PTPRN: variants seen among roughly 807,000 people sequenced by gnomAD.
The protein encoded by PTPRN is protein tyrosine phosphatase receptor type N, also known as receptor-type tyrosine-protein phosphatase-like N.
In PTPRN, 70 loss-of-function variants were observed where a neutral mutation model predicts 108.5. The observed-to-expected ratio is 0.65, with a 90% CI of 0.53 to 0.79. The LOEUF (loss-of-function observed/expected upper bound fraction) is 0.79, where lower values mean the gene tolerates loss of function less well. Among genes scored for constraint, PTPRN ranks in the 30% least tolerant of loss-of-function variants. The pLI is 0.00. For missense variants in PTPRN, 1,136 were observed against 1,295.5 expected, an observed-to-expected ratio of 0.88 and a Z score of 1.89; for synonymous variants, 496 against 524.6, an observed-to-expected ratio of 0.95 and a Z score of 0.75.
intron 1 of PTPRN, 37 bp downstream of exon 1, chr2:219,309,181 G>GCCCCCCCCCCCC: frequency 3.2e-6 from 2 of 628,488 alleles, no homozygotes; most frequent in Non-Finnish European, 4.8e-6. Context: ...GCTGCTCCCC[G>GCCCCCCCCCCCC]CCCCCCACCA....
chr2:219,304,506 C>T (rs1952435004), intron 3 of PTPRN, among the ~76,000 whole-genome samples: 1 of 152,214 alleles, frequency 6.6e-6, no homozygotes, highest in Non-Finnish European at 1.5e-5. Flanking sequence ...AAACTCTGCT[C>T]TCAGGAAAGT....
Position 219,296,677 on chromosome 2 carries a change from A to G in PTPRN, c.2310+72T>C. 6.3e-7 allele frequency: 1 copy of G among 1,587,992 alleles called. No individual in the cohort carries two copies. Among genetic ancestry groups the G allele is most frequent in the Non-Finnish European group, 8.6e-7 (1 of 1,162,268 alleles). On this transcript the variant is annotated intron_variant, in intron 16 of 22. Coordinates refer to ENST00000295718, the MANE Select transcript of PTPRN (RefSeq NM_002846.4). The surrounding 1 kb of genome is among the most constrained non-coding windows in gnomAD (Gnocchi z 6.0). ...GGGGTTGGTGGGGTGGCAGGTGACC[A>G]CGGGGAAATGGAGTGCATAGGGCCA...
Position 219,290,413 on chromosome 2 carries a change from G to A in PTPRN, c.2869-116C>T, listed in dbSNP as rs899370563. The A allele has an allele frequency of 1.4e-6, 2 of 1,388,074 alleles. No individual in the cohort carries two copies. Among genetic ancestry groups the A allele is most frequent in the Non-Finnish European group, 2.0e-6 (2 of 998,734 alleles). The allele number at this position is 1,388,074 out of a possible 1,614,324, so 86.0% of individuals were successfully genotyped here. A position where few individuals can be genotyped will look rare whatever the true frequency, so the allele number is the denominator to read the frequency against. On this transcript the variant is annotated intron_variant, in intron 22 of 22. Coordinates refer to ENST00000295718, the MANE Select transcript of PTPRN (RefSeq NM_002846.4). The surrounding 1 kb of genome is among the most constrained non-coding windows in gnomAD (Gnocchi z 4.2). ...GGGCAGGTCCCCTGGGAGGAAGGGAGCCCTCCTGGAGGAGGCGCAGAAGCA... is the reference window on the plus strand; with the variant it reads ...GGGCAGGTCCCCTGGGAGGAAGGGAACCCTCCTGGAGGAGGCGCAGAAGCA...
At chr2:219,300,422 C>T (rs972104390) in intron 8 of PTPRN, 163 bp from the exon 9 acceptor site, 2 of 628,012 alleles carry the variant, frequency 3.2e-6, no homozygotes, top group Admixed American at 3.5e-5. Flanking sequence ...GCATCTGAGA[C>T]AAGTAAGTGG....
In PTPRN at chr2:219,303,682, C is replaced by T. The variant is rs548408027; in HGVS notation, c.377+53G>A. Reference sequence around the variant, plus strand: ...CCCTTCTCTCCATCAATTAGGACAACCACAGATTCATCAGCCTCACCATTG... The same window carrying T: ...CCCTTCTCTCCATCAATTAGGACAATCACAGATTCATCAGCCTCACCATTG... On this transcript the variant is annotated intron_variant, in intron 4 of 22. Transcript: ENST00000295718. 7 of 1,529,592 alleles carry T rather than the reference C, an allele frequency of 4.6e-6. No homozygotes were observed. In the African/African-American group the frequency reaches 6.8e-5, roughly 15 times the overall value. 94.8% of individuals were successfully genotyped at this position (1,529,592 alleles called of 1,614,324 possible).
Position 219,297,332 on chromosome 2 carries a change from G to C in PTPRN, c.1989C>G (p.Asp663Glu). 6.2e-7 allele frequency: 1 copy of C among 1,613,982 alleles called. No homozygotes were observed. Among genetic ancestry groups the C allele is most frequent in the African/African-American group, 1.3e-5 (1 of 75,046 alleles). ...GGGAGCTGGGGCTGGCCTGGGCTGC[G>C]TCGCTGAACTGGGAGGACACACTGC... ...RVSSVSSQFS[D>E]AAQASPSSHS... The change falls in exon 14 of 23, where the codon GAC becomes GAG. Residue 663 changes from aspartate (D) to glutamate (E), a missense_variant. Asp to Glu is a conservative substitution (Grantham distance 45). Transcript: ENST00000295718. This position sits in a 1 kb window ranked among gnomAD's most constrained non-coding sequence, Gnocchi z 6.0.
chr2:219,302,942 G>GC (rs1952394777), intron 4 of PTPRN, 105 bp from the exon 5 acceptor site: 2 of 1,374,602 alleles, frequency 1.5e-6, no homozygotes, highest in East Asian at 2.5e-5. Flanking sequence ...TTAAGAGCAG[G>GC]CCTGACCTCT....
chr2:219,295,999 C>T lies in PTPRN; in HGVS notation c.2508+227G>A, dbSNP rs571964036. On this transcript the variant is annotated intron_variant, in intron 18 of 22. Transcript: ENST00000295718. ...GGACACACACACACACACACACACA[C>T]ACACATGTATGTTCTGTAAACAGGA... 5.1e-5 allele frequency: 30 copies of T among 588,806 alleles called. 1 individual carries two copies. The South Asian group carries it at 6.3e-4, about 12-fold the overall frequency. The allele number at this position is 588,806 out of a possible 1,614,324, so 36.5% of individuals were successfully genotyped here.
intron 3 of PTPRN, among the ~76,000 whole-genome samples, chr2:219,304,415 G>GTCGTCATCATCATCATCA (rs1553583583): frequency 6.6e-6 from 1 of 152,004 alleles, no homozygotes; most frequent in African/African-American, 2.4e-5. Context: ...CATCTTCATT[G>GTCGTCATCATCATCATCA]TCGTCATCAT....
chr2:219,294,966 C>T lies in PTPRN; in HGVS notation c.2675+9G>A. ...TGCGGTCCCTCCAGGCGGGGGCGCCCGCGCTCACCTGCGGAAGTCCAGCAG... is the reference window on the plus strand; with the variant it reads ...TGCGGTCCCTCCAGGCGGGGGCGCCTGCGCTCACCTGCGGAAGTCCAGCAG... On this transcript the variant is annotated intron_variant, in intron 19 of 22. Coordinates refer to ENST00000295718, the MANE Select transcript of PTPRN (RefSeq NM_002846.4). 1.3e-6 allele frequency: 2 copies of T among 1,551,456 alleles called. No individual in the cohort carries two copies. Among genetic ancestry groups the T allele is most frequent in the Non-Finnish European group, 8.7e-7 (1 of 1,150,948 alleles).
In PTPRN at chr2:219,290,171, T is replaced by C. The variant is rs537785266; in HGVS notation, c.*55A>G. ...GTGAGGAGTGGGTACACAGAGATGC[T>C]CACACAGGCAAAGAGGGACAGAGGC... On this transcript the variant is annotated 3_prime_UTR_variant, in exon 23 of 23. Transcript: ENST00000295718. The surrounding 1 kb of genome is among the most constrained non-coding windows in gnomAD (Gnocchi z 4.2). The C allele has an allele frequency of 9.4e-6, 14 of 1,493,716 alleles. No individual in the cohort carries two copies. In the East Asian group the frequency reaches 2.7e-4, roughly 29 times the overall value. 92.5% of individuals were successfully genotyped at this position (1,493,716 alleles called of 1,614,324 possible). A position where few individuals can be genotyped will look rare whatever the true frequency, so the allele number is the denominator to read the frequency against.
chr2:219,290,199 G>C lies in PTPRN; in HGVS notation c.*27C>G. ...CACAGGCAAAGAGGGACAGAGGCTG[G>C]GCTGCCCGCCAAGGGGCCCCAGGGT... On this transcript the variant is annotated 3_prime_UTR_variant, in exon 23 of 23. Coordinates refer to ENST00000295718, the MANE Select transcript of PTPRN (RefSeq NM_002846.4). The surrounding 1 kb of genome is among the most constrained non-coding windows in gnomAD (Gnocchi z 4.2). 1.9e-6 allele frequency: 3 copies of C among 1,597,668 alleles called. No individual in the cohort carries two copies. The highest frequency in any genetic ancestry group is 1.7e-6 in the Non-Finnish European group (2 of 1,165,192).
chr2:219,297,044 C>T lies in PTPRN; in HGVS notation c.2177G>A (p.Cys726Tyr). Residue 726 changes from cysteine (C) to tyrosine (Y), a missense_variant, in exon 15 of 23, where the codon TGT becomes TAT. Transcript: ENST00000295718. This position sits in a 1 kb window ranked among gnomAD's most constrained non-coding sequence, Gnocchi z 6.0. ...LCAYQAEPNT[C>Y]ATAQGEGNIK... ...GTTGCCCTCCCCCTGCGCGGTGGCACAGGTGTTTGGCTCTGCTTGGTAGGC... is the reference window on the plus strand; with the variant it reads ...GTTGCCCTCCCCCTGCGCGGTGGCATAGGTGTTTGGCTCTGCTTGGTAGGC... 2 of 1,614,096 alleles carry T rather than the reference C, an allele frequency of 1.2e-6. No homozygotes were observed. The highest frequency in any genetic ancestry group is 1.7e-6 in the Non-Finnish European group (2 of 1,180,032).
In PTPRN at chr2:219,307,566, A is replaced by C. The variant is rs748343484; in HGVS notation, c.167-9T>G. The C allele has an allele frequency of 6.2e-7, 1 of 1,612,652 alleles. No homozygotes were observed. On this transcript the variant is annotated splice_polypyrimidine_tract_variant and intron_variant, in intron 2 of 22. Coordinates refer to ENST00000295718, the MANE Select transcript of PTPRN (RefSeq NM_002846.4). ...CTGCCCAAACAAGCCATCTAAGGGC[A>C]CAAAAGTGGTGTCAGCAGGGGGCTT...
At chr2:219,292,657 C>T (rs1226081927) in intron 19 of PTPRN, 3 of 152,170 alleles carry the variant, frequency 2.0e-5, no homozygotes, top group African/African-American at 4.8e-5. Flanking sequence ...GTATCAGGCA[C>T]TTACACTAGA....
At position 219,307,561 on chromosome 2, in the gene PTPRN, A is replaced by T; in HGVS notation, c.167-4T>A. 6.2e-7 allele frequency: 1 copy of T among 1,613,148 alleles called. No individual in the cohort carries two copies. Among genetic ancestry groups the T allele is most frequent in the Non-Finnish European group, 8.5e-7 (1 of 1,179,426 alleles). ...TGGCACTGCCCAAACAAGCCATCTAAGGGCACAAAAGTGGTGTCAGCAGGG... is the reference window on the plus strand; with the variant it reads ...TGGCACTGCCCAAACAAGCCATCTATGGGCACAAAAGTGGTGTCAGCAGGG... On this transcript the variant is annotated splice_region_variant and splice_polypyrimidine_tract_variant and intron_variant, in intron 2 of 22. Transcript: ENST00000295718.
intron 3 of PTPRN, among the ~76,000 whole-genome samples, chr2:219,306,547 C>T (rs1243823226): frequency 6.6e-6 from 1 of 152,154 alleles, no homozygotes; most frequent in Non-Finnish European, 1.5e-5. Flanking sequence ...TCATGTGCCC[C>T]CAAGCTCCAA....
chr2:219,298,012 A>T lies in PTPRN; in HGVS notation c.1760T>A (p.Val587Glu). The change falls in exon 13 of 23, where the codon GTG becomes GAG. Residue 587 changes from valine to glutamate, a missense_variant. By Grantham distance (121) the Val-to-Glu change is moderately radical. Coordinates refer to ENST00000295718, the MANE Select transcript of PTPRN (RefSeq NM_002846.4). ...AGCCAGAGCCACCAGCAGCCCAGCC[A>T]CACCTGCCAGGGCCACCAGAGTGAG... ...VLLTLVALAG[V>E]AGLLVALAVA... 1 of 1,613,978 alleles carries T rather than the reference A, an allele frequency of 6.2e-7. No individual in the cohort carries two copies. The highest frequency in any genetic ancestry group is 8.5e-7 in the Non-Finnish European group (1 of 1,179,984).
At position 219,307,451 on chromosome 2, in the gene PTPRN, C is replaced by T; in HGVS notation, c.273G>A (p.Met91Ile). 6.2e-7 allele frequency: 1 copy of T among 1,613,912 alleles called. No homozygotes were observed. Among genetic ancestry groups the T allele is most frequent in the East Asian group, 2.2e-5 (1 of 44,884 alleles). ...QRLQGVLRQL[M>I]SQGLSWHDDL... The stretch of plus-strand genomic sequence containing the variant: ...AGTGCACCCAGACCTTACCTTGGGA[C>T]ATGAGTTGTCGGAGCACACCTTGTA... The change falls in exon 3 of 23, where the codon ATG (methionine) becomes ATA (isoleucine). Residue 91 changes from methionine to isoleucine, a missense_variant. Transcript: ENST00000295718.
Sources: allele counts gnomAD v4.1 joint callset (sites outside exome capture counted in the v4.1 genomes callset), GRCh38; gene constraint gnomAD v4.1.1; non-coding constraint Gnocchi (gnomAD v3.1); transcripts MANE v1.5; gene names NCBI Gene and HGNC (gene_info 2026-07-23, HGNC 2026-07-21).